The following TDRD3 variants were observed in gnomAD, a reference collection of about 807,000 sequenced individuals.
TDRD3 encodes the protein tudor domain containing 3.
In TDRD3, 45 loss-of-function variants were observed where a neutral mutation model predicts 86.7. That is an observed-to-expected ratio of 0.52 (90% CI 0.41 to 0.67). The LOEUF (loss-of-function observed/expected upper bound fraction) is 0.67. Ranked by LOEUF, TDRD3 falls within the 30% of genes least tolerant of loss-of-function variation. TDRD3 has a pLI of 0.00. For missense variants in TDRD3, 814 were observed against 889.0 expected, an observed-to-expected ratio of 0.92 and a Z score of 1.07; for synonymous variants, 298 against 301.7, an observed-to-expected ratio of 0.99 and a Z score of 0.13.
intron 1 of TDRD3, among the ~76,000 whole-genome samples, chr13:60,404,714 T>G (rs1366901860): frequency 2.0e-5 from 3 of 152,002 alleles, no homozygotes; most frequent in Non-Finnish European, 4.4e-5. Flanking sequence ...AAGAGATTCT[T>G]CTGCCTCAGC....
At chr13:60,504,559 T>C (rs1230383750) in intron 8 of TDRD3, among the ~76,000 whole-genome samples, 1 of 152,256 alleles carries the variant, frequency 6.6e-6, no homozygotes, top group Admixed American at 6.5e-5. Context: ...TAAGACATTT[T>C]GTTTCTTAAA....
intron 1 of TDRD3, among the ~76,000 whole-genome samples, chr13:60,412,322 TA>T (rs1954386864): frequency 6.6e-6 from 1 of 152,204 alleles, no homozygotes; most frequent in Non-Finnish European, 1.5e-5. Context: ...AATGAGGCTC[TA>T]TTTTTTTGGC....
intron 1 of TDRD3, among the ~76,000 whole-genome samples, chr13:60,432,137 T>C (rs952768949): frequency 2.0e-5 from 3 of 152,048 alleles, no homozygotes; most frequent in Non-Finnish European, 2.9e-5. Context: ...TTCCACCATT[T>C]TTCATAGTAC....
chr13:60,573,517 A>G, intron 13 of TDRD3, 99 bp from the exon 14 acceptor site: 6 of 677,252 alleles, frequency 8.9e-6, no homozygotes, highest in Non-Finnish European at 1.1e-5. Flanking sequence ...CAAACACTTC[A>G]CATTTACAGA....
At chr13:60,539,048 A>C (rs924376227) in intron 12 of TDRD3, among the ~76,000 whole-genome samples, 3 of 152,188 alleles carry the variant, frequency 2.0e-5, no homozygotes, top group African/African-American at 7.2e-5. Flanking sequence ...ATTATTGTGT[A>C]GGTAATTGTT....
At chr13:60,483,074 A>T (rs1317743560) in intron 5 of TDRD3, among the ~76,000 whole-genome samples, 1 of 152,110 alleles carries the variant, frequency 6.6e-6, no homozygotes, top group Non-Finnish European at 1.5e-5. Context: ...CATGTGAGAA[A>T]TTGCTTTTGC....
chr13:60,494,628 C>A lies in TDRD3; in HGVS notation c.858+53C>A, dbSNP rs537619886. ...TAAAGTGTTATTTCTTAAAATGATT[C>A]TTTTATTCTTTCTTACCACCACCAC... On this transcript the variant is annotated intron_variant, in intron 8 of 13. Coordinates refer to ENST00000377881, the MANE Select transcript of TDRD3 (RefSeq NM_001146070.2). The A allele has an allele frequency of 6.5e-6, 10 of 1,545,602 alleles. No homozygotes were observed. In the Admixed American group the frequency reaches 8.9e-5, roughly 14 times the overall value.
chr13:60,398,608 GTTA>G lies in TDRD3; in HGVS notation c.41+1208_41+1210del, dbSNP rs755856065. On this transcript the variant is annotated intron_variant, in intron 1 of 13. Transcript: ENST00000377881. ...CCCTCCTGATTTTAAAGGCACTTGTGTTATTATACACCCCATTTTACAGGTGAG... is the reference window on the plus strand; with the variant it reads ...CCCTCCTGATTTTAAAGGCACTTGTGTTATACACCCCATTTTACAGGTGAG... Among the ~76,000 whole-genome samples, 47 of 152,322 alleles carry G rather than the reference GTTA, an allele frequency of 3.1e-4. 1 individual carries two copies. The highest frequency in any genetic ancestry group is 3.7e-4 in the Non-Finnish European group (25 of 68,024).
In TDRD3 at chr13:60,504,425, C is replaced by T. The variant is rs1956892852; in HGVS notation, c.859-5338C>T. On this transcript the variant is annotated intron_variant, in intron 8 of 13. Coordinates refer to ENST00000377881, the MANE Select transcript of TDRD3 (RefSeq NM_001146070.2). Reference sequence around the variant, plus strand: ...TTCCAGCATCTAACTCCATATGTCCCAGGACTTGCCTGTCTGTAAAGCAGG... The same window carrying T: ...TTCCAGCATCTAACTCCATATGTCCTAGGACTTGCCTGTCTGTAAAGCAGG... Among the ~76,000 whole-genome samples, 3 of 152,270 alleles carry T rather than the reference C, an allele frequency of 2.0e-5. No homozygotes were observed. The South Asian group carries it at 6.2e-4, about 32-fold the overall frequency.
At chr13:60,570,807 CT>C (rs58427206) in intron 13 of TDRD3, among the ~76,000 whole-genome samples, 23,728 of 152,088 alleles carry the variant, frequency 0.16, 2,073 homozygotes, top group African/African-American at 0.23. Context: ...CCCTTGACCC[CT>C]TCTTTAGTTT....
intron 8 of TDRD3, among the ~76,000 whole-genome samples, chr13:60,498,595 G>A (rs1956766277): frequency 6.6e-6 from 1 of 152,156 alleles, no homozygotes; most frequent in African/African-American, 2.4e-5. Context: ...AATTATGAAA[G>A]TAGAGATTTG....
At chr13:60,565,423 G>A (rs569914060) in intron 12 of TDRD3, among the ~76,000 whole-genome samples, 134 of 152,238 alleles carry the variant, frequency 8.8e-4, no homozygotes, top group African/African-American at 3.2e-3. Context: ...CAAGTTATGA[G>A]TTACGTGAAA....
chr13:60,459,527 T>A (rs913002435), intron 3 of TDRD3, among the ~76,000 whole-genome samples: 2 of 152,214 alleles, frequency 1.3e-5, no homozygotes, highest in African/African-American at 4.8e-5. Context: ...TTACAACTCA[T>A]ACTTCTTCAA....
At chr13:60,474,702 T>C (rs1448127933) in intron 5 of TDRD3, among the ~76,000 whole-genome samples, 2 of 152,210 alleles carry the variant, frequency 1.3e-5, no homozygotes, top group Admixed American at 6.5e-5. Flanking sequence ...CACGTTTTAA[T>C]TTTTTTCCCT....
chr13:60,415,376 A>G (rs1015156978), intron 1 of TDRD3, among the ~76,000 whole-genome samples: 1 of 152,122 alleles, frequency 6.6e-6, no homozygotes, highest in African/African-American at 2.4e-5. Context: ...ATCAGATTAT[A>G]TTATTCTGAT....
chr13:60,509,644 A>G, intron 8 of TDRD3, 119 bp from the exon 9 acceptor site: 4 of 1,244,318 alleles, frequency 3.2e-6, no homozygotes, highest in Non-Finnish European at 4.5e-6. Context: ...TTGTATTAGA[A>G]TGACATTTTT....
At chr13:60,558,793 G>T (rs1958261120) in intron 12 of TDRD3, among the ~76,000 whole-genome samples, 1 of 151,610 alleles carries the variant, frequency 6.6e-6, no homozygotes, top group African/African-American at 2.4e-5. Flanking sequence ...AGAAAAAGAG[G>T]CCACCCCACC....
chr13:60,528,038 G>C (rs1301940669), intron 10 of TDRD3, among the ~76,000 whole-genome samples: 1 of 152,142 alleles, frequency 6.6e-6, no homozygotes, highest in Admixed American at 6.6e-5. Flanking sequence ...TTAGCAATTT[G>C]CAGTTCTATT....
chr13:60,498,232 G>A (rs1566245406), intron 8 of TDRD3, among the ~76,000 whole-genome samples: 1 of 152,140 alleles, frequency 6.6e-6, no homozygotes, highest in Admixed American at 6.5e-5. Flanking sequence ...TGTGAGGGCA[G>A]CACAGGCATC....
Sources: allele counts gnomAD v4.1 joint callset (sites outside exome capture counted in the v4.1 genomes callset), GRCh38; gene constraint gnomAD v4.1.1; transcripts MANE v1.5; gene names NCBI Gene and HGNC (gene_info 2026-07-23, HGNC 2026-07-21).